The following DPH6 variants were observed in gnomAD, a reference collection of about 807,000 sequenced individuals.
DPH6 encodes the protein diphthine--ammonia ligase.
In DPH6, 33 loss-of-function variants were observed where a neutral mutation model predicts 38.2. That is an observed-to-expected ratio of 0.86 (90% CI 0.65 to 1.15). The LOEUF is 1.15. DPH6 is among the 50% of genes most tolerant of loss of function. The pLI is 0.00. For synonymous variants in DPH6, 108 were observed against 103.0 expected (o/e 1.05, Z -0.30); for missense variants, 325 against 320.0 (o/e 1.02, Z -0.12).
At chr15:35,457,031 G>A (rs2054005749) in intron 3 of DPH6, among the ~76,000 whole-genome samples, 1 of 151,662 alleles carries the variant, frequency 6.6e-6, no homozygotes, top group Non-Finnish European at 1.5e-5. Context: ...AGTGCAGTGG[G>A]GTGATCTCAG....
the DPH6 span, among the ~76,000 whole-genome samples, chr15:35,205,520 A>G: frequency 3.3e-5 from 5 of 152,076 alleles, no homozygotes; most frequent in Non-Finnish European, 7.4e-5. Context: ...TATAATTTAC[A>G]TAGCCTATTT....
chr15:35,376,939 A>T (rs1416943483), intron 7 of DPH6, among the ~76,000 whole-genome samples: 2 of 152,164 alleles, frequency 1.3e-5, no homozygotes, highest in African/African-American at 2.4e-5. Context: ...ACATTAAGTG[A>T]CTCATGACTG....
intron 3 of DPH6, among the ~76,000 whole-genome samples, chr15:35,308,583 A>G (rs569666937): frequency 6.6e-6 from 1 of 152,296 alleles, no homozygotes; most frequent in South Asian, 2.1e-4. Flanking sequence ...TGGATAACCC[A>G]TAATTGGAAA....
chr15:35,355,075 A>T (rs2052547808), intron 3 of DPH6, among the ~76,000 whole-genome samples: 1 of 152,108 alleles, frequency 6.6e-6, no homozygotes, highest in Admixed American at 6.5e-5. Context: ...TTGTTGGTTT[A>T]AAGTCTGTTT....
chr15:35,488,411 A>G (rs1417702147), intron 3 of DPH6, among the ~76,000 whole-genome samples: 1 of 152,216 alleles, frequency 6.6e-6, no homozygotes, highest in Admixed American at 6.5e-5. Flanking sequence ...ACTGACTCAC[A>G]TTTCCATTTG....
Position 35,454,733 on chromosome 15 carries a change from T to TA in DPH6, c.386+13dup. 6.3e-7 allele frequency: 1 copy of TA among 1,595,306 alleles called. No individual in the cohort carries two copies. On this transcript the variant is annotated intron_variant, in intron 4 of 8. Coordinates refer to ENST00000256538, the MANE Select transcript of DPH6 (RefSeq NM_080650.4). ...ACATACACTTTTAAAACTAACAAAT[T>TA]AATGTTTTCTTACACATTTTCCACT...
At chr15:35,453,334 A>G (rs1279682844) in intron 4 of DPH6, among the ~76,000 whole-genome samples, 1 of 152,068 alleles carries the variant, frequency 6.6e-6, no homozygotes, top group East Asian at 1.9e-4. Context: ...TCAGGAGCAC[A>G]TTTTTATTTG....
At chr15:35,337,319 T>C (rs923180551) in intron 3 of DPH6, among the ~76,000 whole-genome samples, 1 of 152,184 alleles carries the variant, frequency 6.6e-6, no homozygotes, top group Non-Finnish European at 1.5e-5. Flanking sequence ...TTATTGCATC[T>C]ATTTGATTCT....
intron 3 of DPH6, chr15:35,490,088 TCTCTTCCAGG>T: frequency 1.0e-6 from 1 of 985,418 alleles, no homozygotes. Flanking sequence ...TTGGCCTAAA[TCTCTTCCAGG>T]CTCACCAGCT....
intron 3 of DPH6, among the ~76,000 whole-genome samples, chr15:35,272,505 C>T (rs1419050593): frequency 1.3e-5 from 2 of 151,992 alleles, no homozygotes; most frequent in Non-Finnish European, 2.9e-5. Context: ...CCAGGTAGGG[C>T]CAAACACCCA....
the DPH6 span, among the ~76,000 whole-genome samples, chr15:35,187,142 T>G: frequency 3.9e-5 from 6 of 152,216 alleles, no homozygotes; most frequent in East Asian, 1.9e-4. Flanking sequence ...GAAGATTTAA[T>G]ACTAGGCTAC....
rs145585687 is a variant in DPH6, at chr15:35,483,272, T to A, written c.313-28452A>T. 3.1e-3 allele frequency among the ~76,000 whole-genome samples: 469 copies of A among 152,090 alleles called. 3 individuals carry two copies. The East Asian group carries it at 0.034, about 11-fold the overall frequency. On this transcript the variant is annotated intron_variant, in intron 3 of 8. Transcript: ENST00000256538. ...TGAGGTCAGGAGTTCAAGACCAGCC[T>A]AACCAACATGGTGAAACCCCGTCTC...
chr15:35,196,717 C>A, the DPH6 span, among the ~76,000 whole-genome samples: 1 of 151,948 alleles, frequency 6.6e-6, no homozygotes, highest in Non-Finnish European at 1.5e-5. Context: ...TCTTTTTTTC[C>A]ACACCACCAG....
the DPH6 span, among the ~76,000 whole-genome samples, chr15:35,201,409 A>C: frequency 2.0e-5 from 3 of 151,858 alleles, no homozygotes; most frequent in Non-Finnish European, 4.4e-5. Flanking sequence ...ACATTTTCAT[A>C]TTTAATCAAT....
At chr15:35,401,205 G>A in intron 6 of DPH6, 1 of 1,212,258 alleles carries the variant, frequency 8.2e-7, no homozygotes, top group Non-Finnish European at 1.2e-6. Context: ...CAAACCAAGA[G>A]ATGGCTAGTG....
At chr15:35,387,675 C>T (rs1202547360) in intron 6 of DPH6, among the ~76,000 whole-genome samples, 2 of 152,012 alleles carry the variant, frequency 1.3e-5, no homozygotes, top group Non-Finnish European at 2.9e-5. Context: ...ATGCTTGTGA[C>T]TTTTGCACAT....
the DPH6 span, among the ~76,000 whole-genome samples, chr15:35,194,932 AT>A: frequency 1.3e-5 from 2 of 152,154 alleles, no homozygotes; most frequent in African/African-American, 4.8e-5. Context: ...CATTTGAATT[AT>A]TTTCTTTTAG....
chr15:35,501,822 A>C (rs2054631724), intron 3 of DPH6, among the ~76,000 whole-genome samples: 2 of 152,174 alleles, frequency 1.3e-5, no homozygotes, highest in African/African-American at 4.8e-5. Flanking sequence ...TGGTTCCCAC[A>C]GTTTTTCTAA....
chr15:35,239,391 G>A lies in DPH6; in HGVS notation n.201-18809C>T, dbSNP rs888333055. 2.1e-5 allele frequency among the ~76,000 whole-genome samples: 3 copies of A among 143,964 alleles called. 1 individual carries two copies. Among genetic ancestry groups the A allele is most frequent in the Admixed American group, 1.5e-4 (2 of 13,378 alleles). The allele number at this position is 143,964 out of a possible 152,430, so 94.4% of individuals were successfully genotyped here. On this transcript the variant is annotated intron_variant and non_coding_transcript_variant, in intron 3 of 3. Coordinates refer to the DPH6 transcript ENST00000560386. ...GACCCCAAACTCCGGCGCCGGTCAC[G>A]GACTGGGAAGGCAGCCTTCCCTTGG...
Sources: gnomAD v4.1 joint callset for allele counts (sites outside exome capture counted in the v4.1 genomes callset) on GRCh38, gnomAD v4.1.1 for gene constraint, MANE v1.5 for transcripts, NCBI Gene and HGNC (gene_info 2026-07-23, HGNC 2026-07-21) for gene names.